The following MPP7 variants were observed in gnomAD, a reference collection of about 807,000 sequenced individuals.
MPP7 encodes the protein MAGUK p55 scaffold protein 7.
MPP7 carries 60 observed loss-of-function variants against 76.5 expected under a neutral mutation model. That is an observed-to-expected ratio of 0.78 (90% confidence interval 0.64 to 0.97). The LOEUF (loss-of-function observed/expected upper bound fraction) is 0.97, where lower values mean the gene tolerates loss of function less well. Among genes scored for constraint, MPP7 ranks in the 50% least tolerant of loss-of-function variants. The pLI, the probability that MPP7 is intolerant of heterozygous loss-of-function variation, is 0.00. For synonymous variants in MPP7, 237 were observed against 244.5 expected (o/e 0.97, Z 0.29); for missense variants, 641 against 694.0 (o/e 0.92, Z 0.86).
chr10:28,058,901 A>G (rs1286015071), intron 14 of MPP7, among the ~76,000 whole-genome samples: 1 of 152,218 alleles, frequency 6.6e-6, no homozygotes, highest in Non-Finnish European at 1.5e-5. Flanking sequence ...ATGCAATGCA[A>G]TAAAATGGTG....
At chr10:28,120,067 C>A in intron 10 of MPP7, 127 bp downstream of exon 10, 1 of 1,004,114 alleles carries the variant, frequency 1.0e-6, no homozygotes, top group Non-Finnish European at 1.4e-6. Flanking sequence ...GAAATCCAAA[C>A]CCACAGGATA....
chr10:28,183,048 A>G (rs918397442), intron 3 of MPP7, among the ~76,000 whole-genome samples: 11 of 152,246 alleles, frequency 7.2e-5, no homozygotes, highest in African/African-American at 2.7e-4. Context: ...ATTGCATTCC[A>G]GCCTGGGCAA....
chr10:28,111,989 T>A (rs1003306527), intron 11 of MPP7, among the ~76,000 whole-genome samples: 1 of 152,170 alleles, frequency 6.6e-6, no homozygotes, highest in African/African-American at 2.4e-5. Flanking sequence ...CAGGAAGGTG[T>A]ATACCACTGT....
At chr10:28,256,239 T>G (rs878923043) in intron 1 of MPP7, among the ~76,000 whole-genome samples, 2 of 147,718 alleles carry the variant, frequency 1.4e-5, no homozygotes, top group Admixed American at 1.4e-4. Context: ...ACTTTCTATA[T>G]AAAAGACCTA....
Position 28,239,151 on chromosome 10 carries a change from A to ATT in MPP7, c.-131-418_-131-417dup, listed in dbSNP as rs201574540. 4.5e-3 allele frequency among the ~76,000 whole-genome samples: 660 copies of ATT among 146,074 alleles called. 9 individuals carry two copies. Among genetic ancestry groups the ATT allele is most frequent in the African/African-American group, 0.015 (610 of 39,440 alleles). ...TTATAATTTTTATTTTTTTATTTTT[A>ATT]TTTTTTTTTTTGATACGGAGTCTCA... On this transcript the variant is annotated intron_variant, in intron 1 of 16. Transcript: ENST00000683449.
intron 2 of MPP7, among the ~76,000 whole-genome samples, chr10:28,221,554 T>C (rs1838507263): frequency 6.6e-6 from 1 of 152,150 alleles, no homozygotes; most frequent in South Asian, 2.1e-4. Context: ...TGAAATCAAA[T>C]AAACTAGATC....
At position 28,196,480 on chromosome 10, in the gene MPP7, G is replaced by GA. The variant is rs35571821; in HGVS notation, c.156+5672dup. 3.8e-5 allele frequency among the ~76,000 whole-genome samples: 5 copies of GA among 131,460 alleles called. No homozygotes were observed. In the East Asian group the frequency reaches 8.9e-4, roughly 23 times the overall value. The allele number at this position is 131,460 out of a possible 152,430, so 86.2% of individuals were successfully genotyped here. A position where few individuals can be genotyped will look rare whatever the true frequency, so the allele number is the denominator to read the frequency against. ...GGGTGACACAGCGAGACTCCATCTC[G>GA]AAAAAAAAAAAAAAAAGATTCACAC... is the stretch of plus-strand genomic sequence containing the variant. On this transcript the variant is annotated intron_variant, in intron 3 of 16. Coordinates refer to ENST00000683449, the MANE Select transcript of MPP7 (RefSeq NM_001318170.2).
At chr10:28,272,246 G>A (rs993603897) in intron 1 of MPP7, among the ~76,000 whole-genome samples, 1 of 152,076 alleles carries the variant, frequency 6.6e-6, no homozygotes, top group African/African-American at 2.4e-5. Context: ...TTAGATCAAA[G>A]TTTCTTCCTG....
intron 1 of MPP7, among the ~76,000 whole-genome samples, chr10:28,272,674 G>T (rs1040522305): frequency 2.6e-5 from 4 of 151,914 alleles, no homozygotes; most frequent in African/African-American, 9.7e-5. Flanking sequence ...GATTTGCTCG[G>T]ATCTTAATTT....
intron 2 of MPP7, among the ~76,000 whole-genome samples, chr10:28,210,435 CTCTTT>C (rs1838094474): frequency 6.6e-6 from 1 of 152,170 alleles, no homozygotes; most frequent in African/African-American, 2.4e-5. Flanking sequence ...CCAAACACAG[CTCTTT>C]TCTATCAAAA....
At chr10:28,150,449 A>C (rs985999925) in intron 3 of MPP7, among the ~76,000 whole-genome samples, 3 of 152,218 alleles carry the variant, frequency 2.0e-5, no homozygotes, top group African/African-American at 7.2e-5. Context: ...CCTGCTAAAA[A>C]TGTAAATTAT....
At chr10:28,187,930 G>C (rs1837289645) in intron 3 of MPP7, among the ~76,000 whole-genome samples, 1 of 152,128 alleles carries the variant, frequency 6.6e-6, no homozygotes. Context: ...AAGAAAATCT[G>C]AGTTATTGAA....
In MPP7 at chr10:28,262,283, T is replaced by G. The variant is rs530329939; in HGVS notation, c.-131-23548A>C. Reference sequence around the variant, plus strand: ...TGTATATATATATATATATATTTTTTTTTTTTTCTTCACCATGTTGGCCAG... The same window carrying G: ...TGTATATATATATATATATATTTTTGTTTTTTTCTTCACCATGTTGGCCAG... On this transcript the variant is annotated intron_variant, in intron 1 of 16. Coordinates refer to ENST00000683449, the MANE Select transcript of MPP7 (RefSeq NM_001318170.2). Among the ~76,000 whole-genome samples the G allele has an allele frequency of 1.2e-4, 13 of 111,348 alleles. 2 individuals are homozygous for G. The highest frequency in any genetic ancestry group is 4.7e-4 in the African/African-American group (13 of 27,900). 73.0% of individuals were successfully genotyped at this position (111,348 alleles called of 152,430 possible).
intron 2 of MPP7, among the ~76,000 whole-genome samples, chr10:28,310,535 CAT>C (rs755077994): frequency 3.3e-4 from 51 of 152,328 alleles, no homozygotes; most frequent in African/African-American, 1.1e-3. Context: ...ATACCATAAA[CAT>C]GTGCATATGC....
At chr10:28,097,799 A>G (rs1853638670) in intron 11 of MPP7, among the ~76,000 whole-genome samples, 1 of 152,218 alleles carries the variant, frequency 6.6e-6, no homozygotes, top group Non-Finnish European at 1.5e-5. Flanking sequence ...GAAATACAAA[A>G]ATATGTAAGG....
chr10:28,274,171 C>T (rs1350247658), intron 1 of MPP7, among the ~76,000 whole-genome samples: 5 of 145,192 alleles, frequency 3.4e-5, no homozygotes, highest in Non-Finnish European at 5.9e-5. Context: ...GGCGCAGTCT[C>T]GGCTCACTGC....
chr10:28,292,536 A>G (rs1235176950), intron 1 of MPP7, among the ~76,000 whole-genome samples: 3 of 152,184 alleles, frequency 2.0e-5, no homozygotes, highest in Non-Finnish European at 4.4e-5. Context: ...GATCAGTGTC[A>G]CCAGAGGAGA....
intron 15 of MPP7, 26 bp from the exon 16 acceptor site, chr10:28,056,649 T>C (rs760547621): frequency 1.3e-6 from 2 of 1,526,730 alleles, no homozygotes; most frequent in Admixed American, 5.1e-5. Context: ...GAAAGTTTTC[T>C]CACATTTCTC....
intron 5 of MPP7, among the ~76,000 whole-genome samples, chr10:28,145,509 G>A (rs1008406135): frequency 6.6e-6 from 1 of 152,134 alleles, no homozygotes; most frequent in Non-Finnish European, 1.5e-5. Flanking sequence ...TCCTGAAATA[G>A]TCTAAAATTT....
Sources: allele counts gnomAD v4.1 joint callset (sites outside exome capture counted in the v4.1 genomes callset), GRCh38; gene constraint gnomAD v4.1.1; transcripts MANE v1.5; gene names NCBI Gene and HGNC (gene_info 2026-07-23, HGNC 2026-07-21).